The following IQANK1 variants were observed in gnomAD, a reference collection of about 807,000 sequenced individuals.
The protein encoded by IQANK1 is IQ motif and ankyrin repeat containing 1, also known as IQ motif and ankyrin repeat domain-containing protein 1.
Under a neutral mutation model 22.6 loss-of-function variants are expected in IQANK1, and 30 were observed. That is an observed-to-expected ratio of 1.33 (90% CI 0.99 to 1.80). IQANK1 has a LOEUF of 1.80. Ranked by LOEUF, IQANK1 falls within the 40% of genes most tolerant of loss-of-function variation. The pLI, the probability that IQANK1 is intolerant of heterozygous loss-of-function variation, is 0.00. For missense variants in IQANK1, 275 were observed against 235.2 expected (o/e 1.17, Z -1.11); for synonymous variants, 122 against 99.6 (o/e 1.23, Z -1.34).
chr8:143,739,047 C>T (rs575587982), intron 2 of IQANK1, among the ~76,000 whole-genome samples: 1 of 152,318 alleles, frequency 6.6e-6, no homozygotes, highest in African/African-American at 2.4e-5. Context: ...GATGTGGGGC[C>T]CCGAGGAAAG....
Position 143,739,943 on chromosome 8 carries a change from C to A in IQANK1, c.170C>A (p.Pro57His), listed in dbSNP as rs1285797498. ...GCGTCGGCTGAGAGCCCACAGGCCC[C>A]CACAGGTGAGAGCCCGCACGTCCCG... ...EPASAESPQA[P>H]TGPAEDRAAR... Residue 57 changes from proline to histidine, a missense_variant, in exon 3 of 14, where the codon CCC (proline) becomes CAC (histidine). Pro to His is a moderately conservative substitution (Grantham distance 77, BLOSUM62 -2). Transcript: ENST00000527139. 4.3e-6 allele frequency: 3 copies of A among 696,162 alleles called. No individual in the cohort carries two copies. In the African/African-American group the frequency reaches 5.3e-5, roughly 12 times the overall value. The allele number at this position is 696,162 out of a possible 1,614,324, so 43.1% of individuals were successfully genotyped here.
intron 3 of IQANK1, among the ~76,000 whole-genome samples, chr8:143,763,400 T>C (rs1414368137): frequency 6.6e-6 from 1 of 152,204 alleles, no homozygotes; most frequent in Non-Finnish European, 1.5e-5. Context: ...CTGCTCTAAG[T>C]ATTTTATATT....
chr8:143,785,786 G>C (rs918353463), intron 7 of IQANK1, among the ~76,000 whole-genome samples: 2 of 151,352 alleles, frequency 1.3e-5, no homozygotes, highest in Non-Finnish European at 2.9e-5. Context: ...GAATGCAGTG[G>C]CACGATCTCA....
chr8:143,772,974 C>T (rs1345671332), intron 7 of IQANK1, among the ~76,000 whole-genome samples: 4 of 152,196 alleles, frequency 2.6e-5, no homozygotes, highest in East Asian at 1.9e-4. Context: ...AGCCACAGAG[C>T]TCCTTTCTAG....
At chr8:143,764,778 A>AT (rs1819456372) in intron 3 of IQANK1, among the ~76,000 whole-genome samples, 1 of 152,256 alleles carries the variant, frequency 6.6e-6, no homozygotes, top group Non-Finnish European at 1.5e-5. Context: ...TATACATTTC[A>AT]TTTTAAAAAT....
intron 1 of IQANK1, among the ~76,000 whole-genome samples, chr8:143,734,425 T>C (rs1165386197): frequency 5.0e-5 from 7 of 139,722 alleles, no homozygotes; most frequent in Admixed American, 2.2e-4. Flanking sequence ...CCCCCATCTT[T>C]CTCCCTCACC....
chr8:143,759,016 T>C, intron 3 of IQANK1: 1 of 201,966 alleles, frequency 5.0e-6, no homozygotes, highest in Non-Finnish European at 1.0e-5. Flanking sequence ...TCCATAGCAA[T>C]TCTTCGCAAT....
intron 3 of IQANK1, among the ~76,000 whole-genome samples, chr8:143,764,504 G>A (rs1463160263): frequency 6.6e-6 from 1 of 151,608 alleles, no homozygotes; most frequent in African/African-American, 2.4e-5. Context: ...AGGAGACTGA[G>A]GTGGGTGGAT....
At chr8:143,743,830 T>G (rs1419308666) in intron 3 of IQANK1, 3 of 432,100 alleles carry the variant, frequency 6.9e-6, no homozygotes, top group African/African-American at 6.2e-5. Flanking sequence ...TTCTGAATAC[T>G]TATTGGATTC....
intron 3 of IQANK1, among the ~76,000 whole-genome samples, chr8:143,751,654 G>GTATATATATATA (rs1394995181): frequency 1.1e-4 from 4 of 37,012 alleles, no homozygotes; most frequent in Admixed American, 8.3e-4. Context: ...GTGTGTGTGT[G>GTATATATATATA]TGTGTGTGTG....
At chr8:143,764,451 CAAAAAA>C (rs33978948) in intron 3 of IQANK1, among the ~76,000 whole-genome samples, 1 of 129,500 alleles carries the variant, frequency 7.7e-6, no homozygotes, top group African/African-American at 2.9e-5. Flanking sequence ...TCCGTCGCTA[CAAAAAA>C]AAAAAAAAAA....
chr8:143,789,549 TG>T, intron 10 of IQANK1, 21 bp downstream of exon 10: 1 of 1,232,082 alleles, frequency 8.1e-7, no homozygotes, highest in Non-Finnish European at 1.0e-6. Flanking sequence ...GTGGTGGACT[TG>T]ATATGCCCCT....
chr8:143,746,984 A>C (rs1266661454), intron 3 of IQANK1, among the ~76,000 whole-genome samples: 2 of 152,008 alleles, frequency 1.3e-5, no homozygotes, highest in African/African-American at 4.8e-5. Context: ...GGTTCACGCC[A>C]TTCTCCTGCC....
intron 3 of IQANK1, among the ~76,000 whole-genome samples, chr8:143,752,845 T>C (rs1228400211): frequency 6.6e-6 from 1 of 152,178 alleles, no homozygotes; most frequent in Non-Finnish European, 1.5e-5. Context: ...TGAAATCACA[T>C]GAGGATGTAT....
At chr8:143,787,696 C>T (rs1554631533) in intron 7 of IQANK1, among the ~76,000 whole-genome samples, 1 of 152,186 alleles carries the variant, frequency 6.6e-6, no homozygotes, top group African/African-American at 2.4e-5. Flanking sequence ...TTCATCCTTC[C>T]CATGCCACGA....
chr8:143,740,469 G>A (rs1201737860), intron 3 of IQANK1, among the ~76,000 whole-genome samples: 2 of 152,204 alleles, frequency 1.3e-5, no homozygotes, highest in Non-Finnish European at 2.9e-5. Context: ...GCCTCCCAAC[G>A]CGAACTCGTC....
At chr8:143,748,830 T>TTCATATATAAATATATATA (rs1819104310) in intron 3 of IQANK1, among the ~76,000 whole-genome samples, 11 of 84,004 alleles carry the variant, frequency 1.3e-4, no homozygotes, top group Admixed American at 2.1e-4. Flanking sequence ...AAATATATAT[T>TTCATATATAAATATATATA]TCATATATAA....
Position 143,771,289 on chromosome 8 carries a change from C to G in IQANK1, c.176-199C>G, listed in dbSNP as rs1819565312. ...GGTTCCCGCAGACCTGGGTCCTCTC[C>G]GCGTCCCGGGCTCTCGCGCAGCCTC... is the stretch of plus-strand genomic sequence containing the variant. On this transcript the variant is annotated intron_variant, in intron 3 of 13. Coordinates refer to ENST00000527139, the MANE Select transcript of IQANK1 (RefSeq NM_001381874.1). The surrounding 1 kb of genome is among the most constrained non-coding windows in gnomAD (Gnocchi z 6.0). 6.6e-6 allele frequency among the ~76,000 whole-genome samples: 1 copy of G among 151,854 alleles called. No individual in the cohort carries two copies. The highest frequency in any genetic ancestry group is 1.5e-5 in the Non-Finnish European group (1 of 67,918).
At chr8:143,761,366 G>A (rs1217206717) in intron 3 of IQANK1, among the ~76,000 whole-genome samples, 1 of 152,244 alleles carries the variant, frequency 6.6e-6, no homozygotes, top group Non-Finnish European at 1.5e-5. Flanking sequence ...CTCCGACTCA[G>A]ACCCCGTCTG....
Sources: gnomAD v4.1 joint callset for allele counts (sites outside exome capture counted in the v4.1 genomes callset) on GRCh38, gnomAD v4.1.1 for gene constraint, Gnocchi (gnomAD v3.1) non-coding constraint, MANE v1.5 for transcripts, NCBI Gene and HGNC (gene_info 2026-07-23, HGNC 2026-07-21) for gene names.